The following GPHN variants were observed in gnomAD, a reference collection of about 807,000 sequenced individuals.
GPHN encodes the protein gephyrin.
In GPHN, 17 loss-of-function variants were observed where a neutral mutation model predicts 95.5. The observed-to-expected ratio is 0.18, with a 90% CI of 0.12 to 0.27. The LOEUF is 0.27. GPHN is among the 10% of genes least tolerant of loss of function. The pLI is 1.00. For synonymous variants in GPHN, 320 were observed against 322.5 expected, an observed-to-expected ratio of 0.99 and a Z score of 0.08; for missense variants, 660 against 978.1, an observed-to-expected ratio of 0.67 and a Z score of 4.34.
At chr14:66,956,192 T>G (rs1166098445) in intron 8 of GPHN, among the ~76,000 whole-genome samples, 1 of 152,206 alleles carries the variant, frequency 6.6e-6, no homozygotes, top group Non-Finnish European at 1.5e-5. Flanking sequence ...ATATGAAATC[T>G]TTCTTCTTTT....
At chr14:67,317,395 G>T in the GPHN span, 1 of 1,604,242 alleles carries the variant, frequency 6.2e-7, no homozygotes, top group South Asian at 1.1e-5. Context: ...TTATGTTTAT[G>T]ATTGCTCAAC....
chr14:67,650,824 T>C, the GPHN span: 1 of 1,614,194 alleles, frequency 6.2e-7, no homozygotes, highest in Middle Eastern at 1.6e-4. Context: ...CTTCAAGCTT[T>C]GGTCAGACAA....
chr14:66,899,133 T>G (rs913003215), intron 5 of GPHN, among the ~76,000 whole-genome samples: 21 of 151,500 alleles, frequency 1.4e-4, no homozygotes, highest in African/African-American at 4.8e-4. Flanking sequence ...TTTTTTTTTT[T>G]TTTGTTTTTT....
chr14:66,612,707 A>G (rs1020535677), intron 1 of GPHN, among the ~76,000 whole-genome samples: 2 of 152,048 alleles, frequency 1.3e-5, no homozygotes, highest in South Asian at 2.1e-4. Flanking sequence ...GAAACTTTCT[A>G]TTGCCTCTTT....
chr14:66,608,054 T>TC (rs397739963), intron 1 of GPHN, among the ~76,000 whole-genome samples: 9 of 150,830 alleles, frequency 6.0e-5, no homozygotes, highest in Non-Finnish European at 1.2e-4. Context: ...TTTTTTTTTT[T>TC]CTAGTTCCTC....
chr14:67,490,550 A>G, the GPHN span, among the ~76,000 whole-genome samples: 1 of 152,236 alleles, frequency 6.6e-6, no homozygotes, highest in Non-Finnish European at 1.5e-5. Context: ...TCATGCACAT[A>G]GGATTCACTT....
At chr14:67,232,908 C>T in the GPHN span, among the ~76,000 whole-genome samples, 2 of 152,078 alleles carry the variant, frequency 1.3e-5, no homozygotes, top group Non-Finnish European at 2.9e-5. Context: ...AGCTTTTAGT[C>T]TAAATATTTA....
At chr14:66,703,423 C>G (rs1271257437) in intron 2 of GPHN, among the ~76,000 whole-genome samples, 1 of 152,144 alleles carries the variant, frequency 6.6e-6, no homozygotes, top group Non-Finnish European at 1.5e-5. Flanking sequence ...CAAAGGAAGC[C>G]CGTTGGAATA....
chr14:67,599,430 C>T, the GPHN span, among the ~76,000 whole-genome samples: 45 of 152,090 alleles, frequency 3.0e-4, no homozygotes, highest in Non-Finnish European at 6.2e-4. Context: ...CTATCACACA[C>T]GTCCAAAATT....
At chr14:66,755,563 A>G (rs1001323321) in intron 2 of GPHN, among the ~76,000 whole-genome samples, 1 of 151,964 alleles carries the variant, frequency 6.6e-6, no homozygotes, top group African/African-American at 2.4e-5. Context: ...TTTTCTGGTG[A>G]TTTTTTTCAG....
intron 1 of GPHN, among the ~76,000 whole-genome samples, chr14:66,532,932 T>C (rs1352846511): frequency 6.6e-6 from 1 of 152,210 alleles, no homozygotes; most frequent in East Asian, 1.9e-4. Context: ...GGAAGAATGC[T>C]GATTGTCCTA....
the GPHN span, among the ~76,000 whole-genome samples, chr14:67,216,136 C>T: frequency 1.3e-5 from 2 of 152,124 alleles, no homozygotes; most frequent in African/African-American, 4.8e-5. Flanking sequence ...ACATTTGTTA[C>T]AGTCAATGAA....
At chr14:66,640,389 T>A (rs1192030622) in intron 1 of GPHN, among the ~76,000 whole-genome samples, 3 of 152,176 alleles carry the variant, frequency 2.0e-5, no homozygotes, top group African/African-American at 7.2e-5. Flanking sequence ...ACCATTGCAC[T>A]CCAGCCCAGG....
At chr14:66,748,442 C>T (rs2058242252) in intron 2 of GPHN, among the ~76,000 whole-genome samples, 1 of 151,944 alleles carries the variant, frequency 6.6e-6, no homozygotes, top group African/African-American at 2.4e-5. Context: ...ACCCCCTGCA[C>T]CCTTACATGC....
intron 3 of GPHN, among the ~76,000 whole-genome samples, chr14:66,796,517 C>T (rs2060163698): frequency 1.3e-5 from 2 of 152,114 alleles, no homozygotes; most frequent in African/African-American, 4.8e-5. Flanking sequence ...ACCAGCATTT[C>T]TTATTGCCTG....
chr14:67,061,764 A>T (rs2075832784), intron 11 of GPHN, among the ~76,000 whole-genome samples: 1 of 152,006 alleles, frequency 6.6e-6, no homozygotes, highest in Admixed American at 6.6e-5. Context: ...CTCTCGCCTT[A>T]GCCTCCCAAA....
At chr14:66,879,676 AT>A (rs1003488461) in intron 4 of GPHN, among the ~76,000 whole-genome samples, 39 of 152,156 alleles carry the variant, frequency 2.6e-4, no homozygotes, top group African/African-American at 9.4e-4. Flanking sequence ...GTGAGATGAG[AT>A]TTCTATCAAA....
intron 1 of GPHN, among the ~76,000 whole-genome samples, chr14:66,515,013 G>A (rs2058183909): frequency 6.6e-6 from 1 of 151,986 alleles, no homozygotes; most frequent in South Asian, 2.1e-4. Flanking sequence ...AAATGAAGAT[G>A]GCAATATCTA....
chr14:67,263,049 AT>A, the GPHN span, among the ~76,000 whole-genome samples: 9 of 152,182 alleles, frequency 5.9e-5, no homozygotes, highest in African/African-American at 2.2e-4. Flanking sequence ...GTAACCAACC[AT>A]TTGATATCCT....
Sources: allele counts gnomAD v4.1 joint callset (sites outside exome capture counted in the v4.1 genomes callset), GRCh38; gene constraint gnomAD v4.1.1; transcripts MANE v1.5; gene names NCBI Gene and HGNC (gene_info 2026-07-23, HGNC 2026-07-21).